Variants in SCN8A observed in about 807,000 individuals in gnomAD.
SCN8A encodes sodium channel protein type 8 subunit alpha.
A neutral mutation model predicts 184.1 loss-of-function variants in SCN8A; 30 were observed. The ratio of observed to expected loss-of-function variants is 0.16; its 90% CI spans 0.12 to 0.22. SCN8A has a LOEUF of 0.22. Among genes scored for constraint, SCN8A ranks in the 10% least tolerant of loss-of-function variants. The pLI is 1.00. For missense variants in SCN8A, 1,057 were observed against 2,498.9 expected (o/e 0.42, Z 12.30); for synonymous variants, 852 against 907.0 (o/e 0.94, Z 1.09).
At chr12:51,617,460 A>T (rs1018358175) in intron 1 of SCN8A, among the ~76,000 whole-genome samples, 4 of 152,138 alleles carry the variant, frequency 2.6e-5, no homozygotes, top group East Asian at 3.8e-4. Context: ...GTTCTTTTTT[A>T]AAAAAGTGTT....
At chr12:51,667,127 T>G (rs1369302987) in intron 2 of SCN8A, among the ~76,000 whole-genome samples, 1 of 152,226 alleles carries the variant, frequency 6.6e-6, no homozygotes, top group Non-Finnish European at 1.5e-5. Context: ...GGTTAAAAAT[T>G]CAAAGGTACT....
chr12:51,596,871 AG>A (rs143581919), intron 1 of SCN8A, among the ~76,000 whole-genome samples: 2,482 of 152,250 alleles, frequency 0.016, 67 homozygotes, highest in African/African-American at 0.054. Flanking sequence ...TTGCCAACCT[AG>A]GTTGTAACCA....
At chr12:51,721,950 G>A (rs1409502028) in intron 12 of SCN8A, 42 bp downstream of exon 12, 6 of 1,599,186 alleles carry the variant, frequency 3.8e-6, no homozygotes, top group Non-Finnish European at 4.2e-6. Flanking sequence ...GTGTAAGGAA[G>A]AACACAAATA....
intron 3 of SCN8A, among the ~76,000 whole-genome samples, chr12:51,685,143 G>A (rs1404970249): frequency 6.6e-6 from 1 of 152,130 alleles, no homozygotes; most frequent in Non-Finnish European, 1.5e-5. Flanking sequence ...TAGTTTAGAA[G>A]CAACACACTT....
chr12:51,785,915 A>G (rs1462917880), intron 21 of SCN8A, among the ~76,000 whole-genome samples: 1 of 152,222 alleles, frequency 6.6e-6, no homozygotes, highest in Non-Finnish European at 1.5e-5. Flanking sequence ...GAGAAGTATA[A>G]TGAACCTTGA....
intron 6 of SCN8A, among the ~76,000 whole-genome samples, chr12:51,691,325 C>T (rs2138720728): frequency 6.6e-6 from 1 of 152,274 alleles, no homozygotes; most frequent in South Asian, 2.1e-4. Flanking sequence ...CTGTCTCTGT[C>T]TCTGCTATAT....
At chr12:51,744,231 A>G (rs1379693860) in intron 12 of SCN8A, among the ~76,000 whole-genome samples, 1 of 152,182 alleles carries the variant, frequency 6.6e-6, no homozygotes, top group Non-Finnish European at 1.5e-5. Flanking sequence ...TGAACCTCAG[A>G]GGCAGAGGTT....
chr12:51,701,451 C>A (rs962198664), intron 8 of SCN8A, among the ~76,000 whole-genome samples: 1 of 152,148 alleles, frequency 6.6e-6, no homozygotes, highest in Non-Finnish European at 1.5e-5. Context: ...AGGATGAAAT[C>A]AATAACACCA....
At chr12:51,670,130 G>C (rs1941105577) in intron 2 of SCN8A, among the ~76,000 whole-genome samples, 1 of 152,104 alleles carries the variant, frequency 6.6e-6, no homozygotes, top group Non-Finnish European at 1.5e-5. Flanking sequence ...CTGGGAGGTG[G>C]GCCCTTCTCA....
chr12:51,751,425 G>T lies in SCN8A; in HGVS notation c.2202G>T (p.Glu734Asp). Residue 734 changes from glutamate to aspartate, a missense_variant, in exon 14 of 27, where the codon GAG becomes GAT. Coordinates refer to ENST00000627620, the MANE Select transcript of SCN8A (RefSeq NM_001330260.2). ...YKFANTFLIWECHPYWIKLKE... is the reference protein window; with the variant it reads ...YKFANTFLIWDCHPYWIKLKE... ...TTGCCAACACTTTCCTCATCTGGGA[G>T]TGCCACCCCTACTGGATAAAACTGA... 6.2e-7 allele frequency: 1 copy of T among 1,613,960 alleles called. No individual in the cohort carries two copies. The highest frequency in any genetic ancestry group is 1.1e-5 in the South Asian group (1 of 91,076).
chr12:51,634,809 C>T (rs1158256124), intron 1 of SCN8A, among the ~76,000 whole-genome samples: 1 of 151,512 alleles, frequency 6.6e-6, no homozygotes, highest in Non-Finnish European at 1.5e-5. Context: ...CCACCACACC[C>T]GGCTAATTTT....
At chr12:51,798,454 A>C (rs1454998460) in intron 26 of SCN8A, among the ~76,000 whole-genome samples, 1 of 152,206 alleles carries the variant, frequency 6.6e-6, no homozygotes, top group Non-Finnish European at 1.5e-5. Context: ...CGATATAAGC[A>C]GCCTACCACC....
At chr12:51,696,143 A>G (rs1941588701) in intron 6 of SCN8A, among the ~76,000 whole-genome samples, 4 of 152,358 alleles carry the variant, frequency 2.6e-5, no homozygotes, top group Admixed American at 2.0e-4. Context: ...TAAAATAGCA[A>G]TGGTAAAGTC....
chr12:51,605,214 A>C (rs1447857584), intron 1 of SCN8A, among the ~76,000 whole-genome samples: 1 of 150,890 alleles, frequency 6.6e-6, no homozygotes, highest in Non-Finnish European at 1.5e-5. Context: ...TGTACCCATC[A>C]CCTGAGCAGT....
At chr12:51,650,038 C>T (rs932121993) in intron 1 of SCN8A, among the ~76,000 whole-genome samples, 5 of 152,194 alleles carry the variant, frequency 3.3e-5, no homozygotes, top group Admixed American at 1.3e-4. Flanking sequence ...AATCATCTCT[C>T]TCAAGTTCAA....
At chr12:51,662,123 A>G (rs1477382143) in intron 1 of SCN8A, among the ~76,000 whole-genome samples, 3 of 152,234 alleles carry the variant, frequency 2.0e-5, no homozygotes, top group Non-Finnish European at 4.4e-5. Flanking sequence ...TTAGAACAGT[A>G]TCTGCCCTCT....
At chr12:51,775,447 C>T (rs1286744212) in intron 20 of SCN8A, among the ~76,000 whole-genome samples, 1 of 152,204 alleles carries the variant, frequency 6.6e-6, no homozygotes, top group African/African-American at 2.4e-5. Flanking sequence ...CTTCCCAGAA[C>T]TGTCACTGTG....
At chr12:51,631,903 C>T (rs536316905) in intron 1 of SCN8A, among the ~76,000 whole-genome samples, 4 of 152,210 alleles carry the variant, frequency 2.6e-5, no homozygotes, top group East Asian at 1.9e-4. Context: ...AGAAGTAAGC[C>T]GAGAGACAGG....
At chr12:51,757,752 A>G (rs977926368) in intron 14 of SCN8A, among the ~76,000 whole-genome samples, 7 of 152,164 alleles carry the variant, frequency 4.6e-5, no homozygotes, top group African/African-American at 1.7e-4. Flanking sequence ...ATGCCACTAC[A>G]TTCCAGCCTG....
Sources: gnomAD v4.1 joint callset for allele counts (sites outside exome capture counted in the v4.1 genomes callset) on GRCh38, gnomAD v4.1.1 for gene constraint, MANE v1.5 for transcripts, NCBI Gene and HGNC (gene_info 2026-07-23, HGNC 2026-07-21) for gene names.